Variants in FBN1 observed in about 807,000 individuals in gnomAD.
The protein encoded by FBN1 is fibrillin-1.
FBN1 carries 29 observed loss-of-function variants against 365.1 expected under a neutral mutation model. The ratio of observed to expected loss-of-function variants is 0.08; its 90% CI spans 0.06 to 0.11. The LOEUF (loss-of-function observed/expected upper bound fraction) is 0.11, where lower values mean the gene tolerates loss of function less well. Among genes scored for constraint, FBN1 ranks in the 10% least tolerant of loss-of-function variants. The pLI is 1.00. For synonymous variants in FBN1, 1,210 were observed against 1,270.5 expected, an observed-to-expected ratio of 0.95 and a Z score of 1.01; for missense variants, 2,476 against 3,703.2, an observed-to-expected ratio of 0.67 and a Z score of 8.60.
intron 17 of FBN1, 143 bp downstream of exon 17, chr15:48,503,644 G>C (rs2043681907): frequency 4.1e-6 from 4 of 971,886 alleles, no homozygotes; most frequent in Non-Finnish European, 6.5e-6. Flanking sequence ...CTAGACACTG[G>C]CTGGCCTCTG....
chr15:48,624,437 C>G (rs1449022054), intron 2 of FBN1, among the ~76,000 whole-genome samples: 1 of 152,210 alleles, frequency 6.6e-6, no homozygotes. Flanking sequence ...GGCCTACTGG[C>G]GTCACATGTC....
chr15:48,477,768 TTTAAGA>T (rs1180517932), intron 32 of FBN1, among the ~76,000 whole-genome samples: 14 of 152,222 alleles, frequency 9.2e-5, no homozygotes, highest in African/African-American at 3.1e-4. Context: ...AAAATTCCTG[TTTAAGA>T]TTAAGAATAG....
intron 6 of FBN1, among the ~76,000 whole-genome samples, chr15:48,582,268 A>C (rs918689016): frequency 2.6e-5 from 4 of 152,200 alleles, no homozygotes; most frequent in Non-Finnish European, 5.9e-5. Context: ...CAGGCATTAG[A>C]CCTAAAATGT....
intron 50 of FBN1, among the ~76,000 whole-genome samples, chr15:48,440,984 A>G (rs982095333): frequency 6.6e-6 from 1 of 151,900 alleles, no homozygotes; most frequent in Non-Finnish European, 1.5e-5. Context: ...AAAGAAATAC[A>G]TGTGTTTGTT....
chr15:48,422,184 A>ACT, intron 60 of FBN1, 116 bp from the exon 61 acceptor site: 1 of 745,180 alleles, frequency 1.3e-6, no homozygotes, highest in South Asian at 1.4e-5. Flanking sequence ...CCCTGACTAG[A>ACT]AAGAAGCCAC....
intron 2 of FBN1, among the ~76,000 whole-genome samples, chr15:48,624,634 T>C (rs1018332369): frequency 1.3e-5 from 2 of 152,268 alleles, no homozygotes; most frequent in African/African-American, 2.4e-5. Context: ...ACATGTTGCC[T>C]GTGTAAAGAA....
At chr15:48,427,108 G>A (rs2042984377) in intron 58 of FBN1, among the ~76,000 whole-genome samples, 1 of 152,146 alleles carries the variant, frequency 6.6e-6, no homozygotes, top group South Asian at 2.1e-4. Context: ...TCTAGTTAAG[G>A]AGCTTGTGCT....
chr15:48,505,693 T>G (rs147493507), intron 15 of FBN1, among the ~76,000 whole-genome samples: 1 of 152,170 alleles, frequency 6.6e-6, no homozygotes, highest in Admixed American at 6.6e-5. Context: ...TATAGATTAT[T>G]TTCATGACCA....
intron 38 of FBN1, 50 bp from the exon 39 acceptor site, chr15:48,465,908 G>A (rs1309983098): frequency 7.9e-7 from 1 of 1,265,460 alleles, no homozygotes. Context: ...AAAGTTTTTA[G>A]AAATAGTATC....
At chr15:48,483,677 T>C in intron 31 of FBN1, 141 bp downstream of exon 31, 1 of 936,146 alleles carries the variant, frequency 1.1e-6, no homozygotes. Flanking sequence ...GGAATGCTGG[T>C]TAAAATATGA....
intron 6 of FBN1, among the ~76,000 whole-genome samples, chr15:48,552,169 A>G (rs1597601146): frequency 6.6e-6 from 1 of 151,926 alleles, no homozygotes; most frequent in Admixed American, 6.6e-5. Flanking sequence ...AGCATCTGTT[A>G]TTTTTTGACT....
At chr15:48,486,884 C>T (rs1181737676) in intron 29 of FBN1, among the ~76,000 whole-genome samples, 191 bp downstream of exon 29, 2 of 151,838 alleles carry the variant, frequency 1.3e-5, no homozygotes, top group East Asian at 3.9e-4. Context: ...ATCCAAAGAT[C>T]GTGAGCCACT....
Position 48,432,936 on chromosome 15 carries a change from G to A in FBN1, c.6669C>T (p.Asn2223=), listed in dbSNP as rs754517206. 1 of 1,613,628 alleles carries A rather than the reference G, an allele frequency of 6.2e-7. No homozygotes were observed. Among genetic ancestry groups the A allele is most frequent in the Non-Finnish European group, 8.5e-7 (1 of 1,179,632 alleles). The change falls in exon 55 of 66, where the codon AAC becomes AAT. Residue 2223 remains asparagine (N), a synonymous_variant. Coordinates refer to ENST00000316623, the MANE Select transcript of FBN1 (RefSeq NM_000138.5). ...ATTTGCATTCATATGACCCATAAGTGTTCACACATCGGAAGGCACAGAGCA... is the reference window on the plus strand; with the variant it reads ...ATTTGCATTCATATGACCCATAAGTATTCACACATCGGAAGGCACAGAGCA... The part of the protein sequence containing the change: ...NPLLCAFRCV[N]TYGSYECKCP...
intron 2 of FBN1, among the ~76,000 whole-genome samples, chr15:48,621,313 C>CA (rs1889761335): frequency 6.6e-6 from 1 of 152,172 alleles, no homozygotes; most frequent in South Asian, 2.1e-4. Flanking sequence ...AATCCTATCT[C>CA]AGCCAGGCAA....
At chr15:48,441,010 G>T (rs946115303) in intron 50 of FBN1, among the ~76,000 whole-genome samples, 2 of 151,784 alleles carry the variant, frequency 1.3e-5, no homozygotes. Flanking sequence ...TCCCTTCCCC[G>T]GAATTCATGA....
At chr15:48,615,533 T>C (rs1232072939) in intron 2 of FBN1, among the ~76,000 whole-genome samples, 1 of 152,086 alleles carries the variant, frequency 6.6e-6, no homozygotes, top group Non-Finnish European at 1.5e-5. Flanking sequence ...ATGGAAGATT[T>C]TACAATTTAC....
chr15:48,614,126 A>G (rs914233740), intron 2 of FBN1, among the ~76,000 whole-genome samples: 1 of 152,236 alleles, frequency 6.6e-6, no homozygotes, highest in African/African-American at 2.4e-5. Flanking sequence ...ACTGGAAACT[A>G]GGACAGAGAC....
intron 6 of FBN1, among the ~76,000 whole-genome samples, chr15:48,552,008 T>C (rs1352001979): frequency 6.6e-6 from 1 of 152,236 alleles, no homozygotes; most frequent in Non-Finnish European, 1.5e-5. Flanking sequence ...TATGTTCCTT[T>C]GGGTATATAC....
Position 48,425,373 on chromosome 15 carries a change from G to A in FBN1, c.7449C>T (p.Cys2483=). 6.2e-7 allele frequency: 1 copy of A among 1,614,186 alleles called. No homozygotes were observed. The highest frequency in any genetic ancestry group is 8.5e-7 in the Non-Finnish European group (1 of 1,179,994). The change falls in exon 60 of 66, where the codon TGC becomes TGT. Residue 2483 remains cysteine, a synonymous_variant. Transcript: ENST00000316623. Reference sequence around the variant, plus strand: ...CAATGGTCAATTCTACTTTACCTTTGCAGCTCCTTCCATCCTCTTGCAGAA... The same window carrying A: ...CAATGGTCAATTCTACTTTACCTTTACAGCTCCTTCCATCCTCTTGCAGAA... ...GYILQEDGRS[C]KDLDECATKQ...
Sources: allele counts gnomAD v4.1 joint callset (sites outside exome capture counted in the v4.1 genomes callset), GRCh38; gene constraint gnomAD v4.1.1; transcripts MANE v1.5; gene names NCBI Gene and HGNC (gene_info 2026-07-23, HGNC 2026-07-21).